The following SNX7 variants were observed in gnomAD, a reference collection of about 807,000 sequenced individuals.
SNX7 encodes sorting nexin 7.
A neutral mutation model predicts 48.4 loss-of-function variants in SNX7; 35 were observed. That is an observed-to-expected ratio of 0.72 (90% CI 0.55 to 0.96). The LOEUF (loss-of-function observed/expected upper bound fraction) is 0.96, where lower values mean the gene tolerates loss of function less well. Ranked by LOEUF, SNX7 falls within the 40% of genes least tolerant of loss-of-function variation. The pLI is 0.00. For synonymous variants in SNX7, 190 were observed against 190.2 expected (o/e 1.00, Z 0.01); for missense variants, 553 against 548.9 (o/e 1.01, Z -0.07).
chr1:98,689,857 A>C (rs1248998213), intron 2 of SNX7, among the ~76,000 whole-genome samples: 1 of 152,168 alleles, frequency 6.6e-6, no homozygotes, highest in East Asian at 1.9e-4. Flanking sequence ...TTTCCATATC[A>C]TGTACCATGT....
chr1:98,748,363 C>T (rs1654410745), intron 8 of SNX7, among the ~76,000 whole-genome samples: 1 of 151,888 alleles, frequency 6.6e-6, no homozygotes, highest in South Asian at 2.1e-4. Flanking sequence ...AATTTGTTCT[C>T]GATTATCTAT....
chr1:98,671,570 C>T (rs1313398487), intron 1 of SNX7, among the ~76,000 whole-genome samples: 1 of 151,900 alleles, frequency 6.6e-6, no homozygotes, highest in Non-Finnish European at 1.5e-5. Flanking sequence ...ATAAAATTCA[C>T]CCATTTTGGG....
intron 1 of SNX7, chr1:98,662,703 T>C: frequency 7.8e-7 from 1 of 1,289,404 alleles, no homozygotes; most frequent in Non-Finnish European, 1.0e-6. Flanking sequence ...GCAGGGAGGT[T>C]GAATGTCACT....
chr1:98,722,053 C>T (rs1220963733), intron 7 of SNX7, among the ~76,000 whole-genome samples: 1 of 151,890 alleles, frequency 6.6e-6, no homozygotes, highest in Non-Finnish European at 1.5e-5. Flanking sequence ...TTTCTGTTTC[C>T]TGCAATGTCA....
At chr1:98,701,264 G>A (rs573796114) in intron 6 of SNX7, among the ~76,000 whole-genome samples, 69 of 152,162 alleles carry the variant, frequency 4.5e-4, no homozygotes, top group African/African-American at 1.6e-3. Flanking sequence ...CCAAAGCTTG[G>A]CTAACTGATG....
intron 1 of SNX7, among the ~76,000 whole-genome samples, chr1:98,673,413 C>T (rs1006717976): frequency 2.0e-5 from 3 of 152,196 alleles, no homozygotes; most frequent in Non-Finnish European, 4.4e-5. Flanking sequence ...CTTCCTGCTC[C>T]CTGCAGCCCC....
intron 7 of SNX7, among the ~76,000 whole-genome samples, chr1:98,726,155 T>C (rs2101015199): frequency 6.6e-6 from 1 of 152,298 alleles, no homozygotes; most frequent in South Asian, 2.1e-4. Context: ...GAAATGACCT[T>C]GTCTGCATTC....
chr1:98,670,747 C>T (rs369806469), intron 1 of SNX7, among the ~76,000 whole-genome samples: 10 of 151,978 alleles, frequency 6.6e-5, no homozygotes, highest in African/African-American at 2.4e-4. Context: ...GAACCTGTCC[C>T]CATCATTAAA....
intron 7 of SNX7, among the ~76,000 whole-genome samples, chr1:98,707,084 A>G (rs1652050036): frequency 6.6e-6 from 1 of 152,170 alleles, no homozygotes; most frequent in Non-Finnish European, 1.5e-5. Flanking sequence ...ATGAGCCTTT[A>G]CTTTATCCTG....
At chr1:98,757,603 T>C (rs2101064132) in intron 8 of SNX7, among the ~76,000 whole-genome samples, 1 of 152,184 alleles carries the variant, frequency 6.6e-6, no homozygotes, top group Admixed American at 6.6e-5. Flanking sequence ...AATTAGAGCT[T>C]CAGTCCATAA....
At chr1:98,662,198 C>T (rs574900078) in intron 1 of SNX7, 1 of 284,790 alleles carries the variant, frequency 3.5e-6, no homozygotes, top group Non-Finnish European at 6.5e-6. Flanking sequence ...GATTTGTTTT[C>T]CCTTTCTGCT....
chr1:98,750,379 T>C (rs1654523482), intron 8 of SNX7, among the ~76,000 whole-genome samples: 1 of 151,988 alleles, frequency 6.6e-6, no homozygotes, highest in Admixed American at 6.6e-5. Context: ...CTTTTTTTAT[T>C]TTAGTGAGCC....
intron 4 of SNX7, 120 bp from the exon 5 acceptor site, chr1:98,695,398 G>T (rs1474481786): frequency 8.0e-6 from 7 of 879,236 alleles, no homozygotes; most frequent in South Asian, 7.0e-5. Flanking sequence ...CATTAAAAAA[G>T]ATTGATGCCT....
At chr1:98,672,185 C>T (rs1035997359) in intron 1 of SNX7, among the ~76,000 whole-genome samples, 3 of 151,936 alleles carry the variant, frequency 2.0e-5, no homozygotes, top group Admixed American at 6.6e-5. Context: ...CTTTCTTGCT[C>T]GTTTATCTGT....
intron 7 of SNX7, among the ~76,000 whole-genome samples, chr1:98,704,357 TTTTG>T (rs1304059719): frequency 7.9e-5 from 12 of 152,240 alleles, no homozygotes; most frequent in African/African-American, 2.9e-4. Flanking sequence ...GCAGGTATTT[TTTTG>T]TTTATCATCA....
In SNX7 at chr1:98,684,876, A is replaced by T. The variant is rs1294560639; in HGVS notation, c.181-9A>T. 1.1e-5 allele frequency: 16 copies of T among 1,470,582 alleles called. No individual in the cohort carries two copies. Among genetic ancestry groups the T allele is most frequent in the Non-Finnish European group, 1.5e-5 (16 of 1,102,934 alleles). The allele number at this position is 1,470,582 out of a possible 1,614,324, so 91.1% of individuals were successfully genotyped here. A position where few individuals can be genotyped will look rare whatever the true frequency, so the allele number is the denominator to read the frequency against. The stretch of plus-strand genomic sequence containing the variant: ...ATTGATACTAATTTTTGAATGTTTT[A>T]TTTCTTAGGATGCCTCATTGATGGA... On this transcript the variant is annotated splice_polypyrimidine_tract_variant and intron_variant, in intron 1 of 8. Coordinates refer to ENST00000306121, the MANE Select transcript of SNX7 (RefSeq NM_015976.5).
rs190649709 is a variant in SNX7, at chr1:98,709,137, G to A, written c.1125+7234G>A. Among the ~76,000 whole-genome samples the A allele has an allele frequency of 1.8e-4, 27 of 152,292 alleles. No homozygotes were observed. The East Asian group carries it at 3.7e-3, about 21-fold the overall frequency. On this transcript the variant is annotated intron_variant, in intron 7 of 8. Coordinates refer to ENST00000306121, the MANE Select transcript of SNX7 (RefSeq NM_015976.5). ...GTGAGAGATGTGGGTAATGCCTTCC[G>A]TAGAGTGTTGTTAAATGAGCATATT...
intron 7 of SNX7, among the ~76,000 whole-genome samples, chr1:98,723,165 A>G (rs895052158): frequency 6.6e-6 from 1 of 152,194 alleles, no homozygotes; most frequent in Non-Finnish European, 1.5e-5. Flanking sequence ...AGCAAAAAAC[A>G]AAGACAAAAA....
chr1:98,728,220 G>A (rs9662195), intron 7 of SNX7, among the ~76,000 whole-genome samples: 83,970 of 151,984 alleles, frequency 0.55, 24,246 homozygotes, highest in Non-Finnish European at 0.64. Context: ...GAAGTGTTTG[G>A]TGGCCAATAT....
Sources: gnomAD v4.1 joint callset for allele counts (sites outside exome capture counted in the v4.1 genomes callset) on GRCh38, gnomAD v4.1.1 for gene constraint, MANE v1.5 for transcripts, NCBI Gene and HGNC (gene_info 2026-07-23, HGNC 2026-07-21) for gene names.